UGT1A10: variants seen among roughly 807,000 people sequenced by gnomAD.
The protein encoded by UGT1A10 is UDP glucuronosyltransferase family 1 member A10.
In UGT1A10, 49 loss-of-function variants were observed where a neutral mutation model predicts 45.8. The ratio of observed to expected loss-of-function variants is 1.07; its 90% CI spans 0.85 to 1.36. UGT1A10 has a LOEUF of 1.36. UGT1A10 is among the 40% of genes most tolerant of loss of function. UGT1A10 has a pLI of 0.00. For missense variants in UGT1A10, 745 were observed against 668.6 expected (o/e 1.11, Z -1.26); for synonymous variants, 284 against 249.7 (o/e 1.14, Z -1.29).
At chr2:233,719,137 T>G (rs1197566998) in intron 1 of UGT1A10, 1 of 1,614,254 alleles carries the variant, frequency 6.2e-7, no homozygotes, top group Non-Finnish European at 8.5e-7. Context: ...ACAGAACATC[T>G]TCTGAAGAGA....
intron 1 of UGT1A10, chr2:233,717,747 C>G (rs1435136847): frequency 4.4e-6 from 2 of 456,422 alleles, no homozygotes; most frequent in Non-Finnish European, 8.8e-6. Flanking sequence ...CTCAGGGTCT[C>G]CCCCTAGAAA....
intron 1 of UGT1A10, chr2:233,743,008 TACA>T (rs1692158299): frequency 4.2e-6 from 1 of 239,364 alleles, no homozygotes; most frequent in Admixed American, 5.1e-5. Context: ...ACAGATATTT[TACA>T]ACGATTGAAA....
chr2:233,667,331 G>C lies in UGT1A10; in HGVS notation c.855+29954G>C, dbSNP rs183046444. Among the ~76,000 whole-genome samples, 19 of 152,326 alleles carry C rather than the reference G, an allele frequency of 1.2e-4. No individual in the cohort carries two copies. In the East Asian group the frequency reaches 3.7e-3, roughly 29 times the overall value. Reference sequence around the variant, plus strand: ...TGCTGGGAAAACTGGCTAGCCATTTGTAGAAAGCTGAAACTGGATCCCTTC... The same window carrying C: ...TGCTGGGAAAACTGGCTAGCCATTTCTAGAAAGCTGAAACTGGATCCCTTC... On this transcript the variant is annotated intron_variant, in intron 1 of 4. Coordinates refer to ENST00000344644, the MANE Select transcript of UGT1A10 (RefSeq NM_019075.4).
rs145912061 is a variant in UGT1A10 at position 233,761,006 on chromosome 2, G to A, written c.856-6028G>A. The A allele has an allele frequency of 8.7e-6, 14 of 1,614,158 alleles. No individual in the cohort carries two copies. The highest frequency in any genetic ancestry group is 1.2e-5 in the Non-Finnish European group (14 of 1,180,024). ...ACCCTTGCCTCAGAATTCCTTCAGAGAGAGGTGACTGTCCAGGACCTATTG... is the reference window on the plus strand; with the variant it reads ...ACCCTTGCCTCAGAATTCCTTCAGAAAGAGGTGACTGTCCAGGACCTATTG... On this transcript the variant is annotated intron_variant, in intron 1 of 4. Transcript: ENST00000344644.
At chr2:233,661,652 T>C (rs1475495701) in intron 1 of UGT1A10, among the ~76,000 whole-genome samples, 1 of 149,518 alleles carries the variant, frequency 6.7e-6, no homozygotes. Flanking sequence ...TCTTTCTTTC[T>C]TTCTTTCTTT....
At chr2:233,729,329 A>G in intron 1 of UGT1A10, 1 of 1,614,260 alleles carries the variant, frequency 6.2e-7, no homozygotes, top group East Asian at 2.2e-5. Flanking sequence ...GTGAATATGC[A>G]CATCAAAGAA....
Position 233,760,935 on chromosome 2 carries a change from C to CT in UGT1A10, c.856-6095dup. On this transcript the variant is annotated intron_variant, in intron 1 of 4. Coordinates refer to ENST00000344644, the MANE Select transcript of UGT1A10 (RefSeq NM_019075.4). ...AGCGGGTGAAGAACATGCTCATTGCCTTTTCACAGAACTTTCTGTGCGACG... is the reference window on the plus strand; with the variant it reads ...AGCGGGTGAAGAACATGCTCATTGCCTTTTTCACAGAACTTTCTGTGCGACG... 6.2e-7 allele frequency: 1 copy of CT among 1,614,200 alleles called. No individual in the cohort carries two copies. Among genetic ancestry groups the CT allele is most frequent in the Non-Finnish European group, 8.5e-7 (1 of 1,180,050 alleles).
intron 1 of UGT1A10, among the ~76,000 whole-genome samples, chr2:233,745,995 A>T (rs1224487934): frequency 1.3e-5 from 2 of 151,678 alleles, no homozygotes; most frequent in Non-Finnish European, 2.9e-5. Context: ...GCTGGGTCTG[A>T]GAGACAGTGG....
At chr2:233,681,881 T>A (rs7586110) in intron 1 of UGT1A10, 22 of 1,552,012 alleles carry the variant, frequency 1.4e-5, no homozygotes, top group Non-Finnish European at 1.7e-5. Context: ...CTTCTTCCAC[T>A]TACTATATTA....
At chr2:233,657,162 C>T (rs1199403872) in intron 1 of UGT1A10, among the ~76,000 whole-genome samples, 1 of 152,192 alleles carries the variant, frequency 6.6e-6, no homozygotes, top group East Asian at 1.9e-4. Context: ...CTGCTGGCCC[C>T]CACTAGCTAT....
At chr2:233,721,653 G>C in intron 1 of UGT1A10, 1 of 213,974 alleles carries the variant, frequency 4.7e-6, no homozygotes, top group Non-Finnish European at 9.6e-6. Flanking sequence ...GGCAGTGGGG[G>C]GTCATGTAAG....
chr2:233,693,345 A>G (rs1317814742), intron 1 of UGT1A10: 1 of 1,614,210 alleles, frequency 6.2e-7, no homozygotes, highest in East Asian at 2.2e-5. Flanking sequence ...GAGTACAGGA[A>G]TAACATGATT....
intron 1 of UGT1A10, chr2:233,719,251 C>T: frequency 1.2e-6 from 2 of 1,614,174 alleles, no homozygotes; most frequent in Non-Finnish European, 1.7e-6. Context: ...CTGAATGCTA[C>T]TTCCTTTGAT....
At chr2:233,694,075 T>C (rs2075199005) in intron 1 of UGT1A10, among the ~76,000 whole-genome samples, 1 of 152,176 alleles carries the variant, frequency 6.6e-6, no homozygotes, top group African/African-American at 2.4e-5. Flanking sequence ...GGCTCATGCT[T>C]GGCAAGAGTA....
intron 1 of UGT1A10, chr2:233,682,632 C>T: frequency 6.2e-7 from 1 of 1,613,934 alleles, no homozygotes; most frequent in South Asian, 1.1e-5. Context: ...GAAATAGCCT[C>T]TGAAATTCTC....
chr2:233,689,650 T>A (rs372119020), intron 1 of UGT1A10, among the ~76,000 whole-genome samples: 34 of 152,280 alleles, frequency 2.2e-4, no homozygotes, highest in African/African-American at 7.9e-4. Flanking sequence ...TGCTCATGAG[T>A]GTGACTTCCT....
chr2:233,729,623 C>G (rs142986334), intron 1 of UGT1A10: 41 of 1,613,794 alleles, frequency 2.5e-5, no homozygotes, highest in Admixed American at 2.3e-4. Flanking sequence ...AAGTACCTGT[C>G]GATTCCTACT....
chr2:233,708,997 C>T (rs897190576), intron 1 of UGT1A10, among the ~76,000 whole-genome samples: 18 of 152,144 alleles, frequency 1.2e-4, no homozygotes, highest in African/African-American at 3.6e-4. Context: ...TGGCATCCTT[C>T]TCAGTGTCAT....
chr2:233,722,629 T>C (rs892720273), intron 1 of UGT1A10, among the ~76,000 whole-genome samples: 4 of 152,210 alleles, frequency 2.6e-5, no homozygotes, highest in African/African-American at 7.2e-5. Flanking sequence ...TAATGAAGCA[T>C]TGAGGGCTCG....
Sources: allele counts gnomAD v4.1 joint callset (sites outside exome capture counted in the v4.1 genomes callset), GRCh38; gene constraint gnomAD v4.1.1; transcripts MANE v1.5; gene names NCBI Gene and HGNC (gene_info 2026-07-23, HGNC 2026-07-21).